Variants in PCGF3 observed in about 807,000 individuals in gnomAD.
PCGF3 encodes the protein polycomb group RING finger protein 3.
Under a neutral mutation model 33.1 loss-of-function variants are expected in PCGF3, and 7 were observed. The observed-to-expected ratio is 0.21, with a 90% CI of 0.12 to 0.40. The LOEUF (loss-of-function observed/expected upper bound fraction) is 0.40. Among genes scored for constraint, PCGF3 ranks in the 10% least tolerant of loss-of-function variants. The pLI, the probability that PCGF3 is intolerant of heterozygous loss-of-function variation, is 1.00. For missense variants in PCGF3, 211 were observed against 313.3 expected, an observed-to-expected ratio of 0.67 and a Z score of 2.46; for synonymous variants, 153 against 121.3, an observed-to-expected ratio of 1.26 and a Z score of -1.72.
intron 9 of PCGF3, among the ~76,000 whole-genome samples, chr4:763,997 G>A (rs1381106226): frequency 5.9e-5 from 9 of 152,214 alleles, no homozygotes; most frequent in African/African-American, 9.6e-5. Flanking sequence ...GCAGCATGGC[G>A]CACTGGAAAA....
At chr4:734,737 T>C in intron 4 of PCGF3, 194 bp from the exon 5 acceptor site, 1 of 1,371,370 alleles carries the variant, frequency 7.3e-7, no homozygotes, top group Non-Finnish European at 9.4e-7. Context: ...GACGGGGCAA[T>C]TAAAACCTTC....
At chr4:738,874 TAAATA>T (rs1344598515) in intron 6 of PCGF3, among the ~76,000 whole-genome samples, 2 of 151,154 alleles carry the variant, frequency 1.3e-5, no homozygotes, top group African/African-American at 4.9e-5. Flanking sequence ...AATAAATAAA[TAAATA>T]AAGTGTGCAC....
rs1205917171 is a variant in PCGF3, at chr4:724,248, CAAGG to C, written c.-189-6380_-189-6377del. ...CTGCGGGAGACAGGGAAGTGGGTGA[CAAGG>C]AGGCTCAGGGGCTACAGCAAAGGCC... On this transcript the variant is annotated intron_variant, in intron 1 of 10. Transcript: ENST00000362003. Among the ~76,000 whole-genome samples, 5 of 152,324 alleles carry C rather than the reference CAAGG, an allele frequency of 3.3e-5. No individual in the cohort carries two copies. The East Asian group carries it at 9.7e-4, about 29-fold the overall frequency.
chr4:765,653 T>C (rs1226377619), intron 10 of PCGF3, among the ~76,000 whole-genome samples: 1 of 151,994 alleles, frequency 6.6e-6, no homozygotes, highest in Non-Finnish European at 1.5e-5. Flanking sequence ...GGTGGAACTC[T>C]CCCACCTCAG....
At chr4:751,329 C>A (rs964172309) in intron 8 of PCGF3, among the ~76,000 whole-genome samples, 1 of 152,188 alleles carries the variant, frequency 6.6e-6, no homozygotes, top group Non-Finnish European at 1.5e-5. Context: ...GGAATCGCTT[C>A]TTCATCTTAC....
chr4:737,645 C>T lies in PCGF3; in HGVS notation c.262+124C>T, dbSNP rs1743892988. ...CCTTTTGGCCGAATCACCGTCTTCT[C>T]ATCCCTGCTCTCAGCCCAACTTCAT... On this transcript the variant is annotated intron_variant, in intron 6 of 10. Coordinates refer to ENST00000362003, the Ensembl canonical transcript of PCGF3. 6.0e-6 allele frequency: 4 copies of T among 672,022 alleles called. No homozygotes were observed. The East Asian group carries it at 7.8e-5, about 13-fold the overall frequency. 41.6% of individuals were successfully genotyped at this position (672,022 alleles called of 1,614,324 possible).
At chr4:750,150 G>C (rs907046325) in intron 8 of PCGF3, among the ~76,000 whole-genome samples, 1 of 152,178 alleles carries the variant, frequency 6.6e-6, no homozygotes, top group Non-Finnish European at 1.5e-5. Flanking sequence ...TGTGCTCCTG[G>C]CTGCTCCCTG....
At chr4:769,053 G>A (rs1745505575) in exon 11 of PCGF3, 2 of 152,666 alleles carry the variant, frequency 1.3e-5, no homozygotes, top group African/African-American at 4.8e-5. Flanking sequence ...TGCTGTTATT[G>A]GGGTTGTGTG....
In PCGF3 at chr4:761,463, T is replaced by A. The variant is rs377449276; in HGVS notation, c.600+47T>A. The A allele has an allele frequency of 7.7e-5, 117 of 1,511,148 alleles. 1 individual carries two copies. The African/African-American group carries it at 1.5e-3, about 19-fold the overall frequency. 93.6% of individuals were successfully genotyped at this position (1,511,148 alleles called of 1,614,324 possible). On this transcript the variant is annotated intron_variant, in intron 9 of 10. Transcript: ENST00000362003. ...GAAACCATAACAAGTCCTCTCTTATTTCTAAAGGTAACTCCAAGATTCTTT... is the reference window on the plus strand; with the variant it reads ...GAAACCATAACAAGTCCTCTCTTATATCTAAAGGTAACTCCAAGATTCTTT...
At chr4:742,252 C>G (rs1045653066) in intron 6 of PCGF3, among the ~76,000 whole-genome samples, 1 of 151,854 alleles carries the variant, frequency 6.6e-6, no homozygotes, top group Admixed American at 6.6e-5. Flanking sequence ...CCTCCTCTCT[C>G]TGCCCAGGCT....
At chr4:737,370 T>C in intron 5 of PCGF3, 96 bp from the exon 6 acceptor site, 1 of 825,074 alleles carries the variant, frequency 1.2e-6, no homozygotes, top group South Asian at 1.5e-5. Flanking sequence ...AGCTCCAGAC[T>C]GGTGATTCTG....
At chr4:741,511 G>A (rs1744089361) in intron 6 of PCGF3, among the ~76,000 whole-genome samples, 1 of 152,150 alleles carries the variant, frequency 6.6e-6, no homozygotes, top group Non-Finnish European at 1.5e-5. Flanking sequence ...GGTTCACACA[G>A]TTGTCCTGTC....
At chr4:722,128 A>G (rs959813957) in intron 1 of PCGF3, 1 of 154,784 alleles carries the variant, frequency 6.5e-6, no homozygotes, top group African/African-American at 2.4e-5. Flanking sequence ...AGTGTTATCT[A>G]AGGACACACC....
exon 11 of PCGF3, chr4:769,029 TATTATTGTG>T (rs1368166015): frequency 6.5e-6 from 1 of 152,676 alleles, no homozygotes; most frequent in African/African-American, 2.4e-5. Context: ...TTTTCATTGT[TATTATTGTG>T]AGAATGCTGT....
At chr4:739,946 T>A (rs1418540748) in intron 6 of PCGF3, among the ~76,000 whole-genome samples, 1 of 152,210 alleles carries the variant, frequency 6.6e-6, no homozygotes, top group Non-Finnish European at 1.5e-5. Flanking sequence ...ATATTTTCCG[T>A]TGAGTCAATA....
chr4:765,976 G>C, intron 10 of PCGF3, 56 bp from the exon 11 acceptor site: 1 of 1,526,788 alleles, frequency 6.5e-7, no homozygotes, highest in Non-Finnish European at 9.1e-7. Context: ...GATGAAGTAG[G>C]TCCTTCTCGC....
rs570136134 is a variant in PCGF3, at chr4:766,249, C to G, written c.*170C>G. The G allele has an allele frequency of 1.2e-4, 70 of 600,954 alleles. 1 individual carries two copies. Among genetic ancestry groups the G allele is most frequent in the African/African-American group, 1.1e-3 (59 of 54,044 alleles). 37.2% of individuals were successfully genotyped at this position (600,954 alleles called of 1,614,324 possible). A position where few individuals can be genotyped will look rare whatever the true frequency, so the allele number is the denominator to read the frequency against. ...ACACTCAACAAGACACTACCAGCACCACGTTTACAGAGGATGAAAACACTT... is the reference window on the plus strand; with the variant it reads ...ACACTCAACAAGACACTACCAGCACGACGTTTACAGAGGATGAAAACACTT... On this transcript the variant is annotated 3_prime_UTR_variant, in exon 11 of 11. Transcript: ENST00000362003.
intron 2 of PCGF3, 28 bp from the exon 3 acceptor site, chr4:730,942 G>A: frequency 2.5e-6 from 1 of 398,236 alleles, no homozygotes; most frequent in African/African-American, 2.1e-5. Context: ...GACGCGAAGT[G>A]AACTAACAGG....
At chr4:725,776 G>A (rs1278029863) in intron 1 of PCGF3, among the ~76,000 whole-genome samples, 1 of 152,102 alleles carries the variant, frequency 6.6e-6, no homozygotes, top group Admixed American at 6.6e-5. Flanking sequence ...TATTTGCCCA[G>A]GGGAAACCCG....
Sources: gnomAD v4.1 joint callset for allele counts (sites outside exome capture counted in the v4.1 genomes callset) on GRCh38, gnomAD v4.1.1 for gene constraint, MANE v1.5 for transcripts, NCBI Gene and HGNC (gene_info 2026-07-23, HGNC 2026-07-21) for gene names.